The following SYNGR1 variants were observed in gnomAD, a reference collection of about 807,000 sequenced individuals.
SYNGR1 encodes the protein synaptogyrin-1.
Under a neutral mutation model 26.1 loss-of-function variants are expected in SYNGR1, and 14 were observed. That is an observed-to-expected ratio of 0.54 (90% confidence interval 0.35 to 0.84). The LOEUF (loss-of-function observed/expected upper bound fraction) is 0.84, where lower values mean the gene tolerates loss of function less well. SYNGR1 is among the 40% of genes least tolerant of loss of function. SYNGR1 has a pLI of 0.01. For synonymous variants in SYNGR1, 141 were observed against 150.1 expected (o/e 0.94, Z 0.44); for missense variants, 319 against 332.9 (o/e 0.96, Z 0.33).
rs905145525 is a variant in SYNGR1, at chr22:39,374,336, C to G, written c.120C>G (p.Phe40Leu). Residue 40 changes from phenylalanine (F) to leucine (L), a missense_variant, in exon 2 of 4, where the codon TTC becomes TTG. By Grantham distance (22) the Phe-to-Leu change is conservative. Transcript: ENST00000328933. The stretch of plus-strand genomic sequence containing the variant: ...GACAGCTGTTCTCCATAGTGGTGTT[C>G]GGCTCCATCGTGAACGAGGGCTACC... ...VVSWLFSIVV[F>L]GSIVNEGYLN... 1.2e-6 allele frequency: 2 copies of G among 1,613,946 alleles called. No individual in the cohort carries two copies. Among genetic ancestry groups the G allele is most frequent in the South Asian group, 1.1e-5 (1 of 91,074 alleles).
At chr22:39,369,702 C>G (rs116539892) in intron 1 of SYNGR1, among the ~76,000 whole-genome samples, 4,093 of 152,314 alleles carry the variant, frequency 0.027, 135 homozygotes, top group African/African-American at 0.073. Flanking sequence ...ATTGGGAACA[C>G]TACAAATAGC....
chr22:39,376,263 G>A, intron 3 of SYNGR1, 66 bp downstream of exon 3: 1 of 1,611,820 alleles, frequency 6.2e-7, no homozygotes, highest in Non-Finnish European at 8.5e-7. Flanking sequence ...CTGGATGGGT[G>A]GCCTTTCGCT....
Position 39,350,230 on chromosome 22 carries a change from G to C in SYNGR1, c.99+121G>C. 1 of 597,654 alleles carries C rather than the reference G, an allele frequency of 1.7e-6. No individual in the cohort carries two copies. Among genetic ancestry groups the C allele is most frequent in the Non-Finnish European group, 2.3e-6 (1 of 443,922 alleles). The allele number at this position is 597,654 out of a possible 1,614,324, so 37.0% of individuals were successfully genotyped here. ...GGGCCCCCGGCGGCGGCGCGGCGGC[G>C]GGCGAGGAGCTGTCCTGCCTGCGGG... is the stretch of plus-strand genomic sequence containing the variant. On this transcript the variant is annotated intron_variant, in intron 1 of 3. Coordinates refer to ENST00000328933, the MANE Select transcript of SYNGR1 (RefSeq NM_004711.5). The surrounding 1 kb of genome is among the most constrained non-coding windows in gnomAD (Gnocchi z 4.3).
chr22:39,366,163 C>T (rs1019490674), intron 1 of SYNGR1, among the ~76,000 whole-genome samples: 8 of 148,852 alleles, frequency 5.4e-5, no homozygotes, highest in African/African-American at 2.0e-4. Flanking sequence ...TGGGGTTTCA[C>T]CATGTTGCCT....
chr22:39,381,174 T>C (rs11089952), intron 3 of SYNGR1, among the ~76,000 whole-genome samples: 15,287 of 152,096 alleles, frequency 0.1, 2,638 homozygotes, highest in African/African-American at 0.35. Context: ...CTTTTGGCAA[T>C]TAGAGCTCCA....
intron 3 of SYNGR1, among the ~76,000 whole-genome samples, chr22:39,380,204 G>T (rs570919730): frequency 6.6e-6 from 1 of 151,268 alleles, no homozygotes; most frequent in Non-Finnish European, 1.5e-5. Context: ...GCTAGGCGCG[G>T]TCACATTGAA....
chr22:39,356,712 G>A (rs1924160620), intron 1 of SYNGR1, among the ~76,000 whole-genome samples: 1 of 152,200 alleles, frequency 6.6e-6, no homozygotes, highest in Non-Finnish European at 1.5e-5. Context: ...TGGGAGGGGA[G>A]GCAGGGTAGG....
In SYNGR1 at chr22:39,381,851, C is replaced by T; in HGVS notation, c.639C>T (p.Thr213=). The T allele has an allele frequency of 6.2e-7, 1 of 1,612,972 alleles. No individual in the cohort carries two copies. Among genetic ancestry groups the T allele is most frequent in the South Asian group, 1.1e-5 (1 of 91,068 alleles). ...CGGATCCCGCCGGTATGGGCGGCAC[C>T]TACCAGCAGCCGGCCAACACCTTCG... ...TGPDPAGMGG[T]YQQPANTFDT... Residue 213 remains threonine, a synonymous_variant, in exon 4 of 4, where the codon ACC becomes ACT. Transcript: ENST00000328933.
rs2145637396 is a variant in SYNGR1 at position 39,383,516 on chromosome 22, G to C, written c.*1602G>C. The C allele has an allele frequency of 6.6e-6, 1 of 152,526 alleles. No individual in the cohort carries two copies. The allele number at this position is 152,526 out of a possible 1,614,324, so 9.4% of individuals were successfully genotyped here. On this transcript the variant is annotated 3_prime_UTR_variant, in exon 4 of 4. Coordinates refer to ENST00000328933, the MANE Select transcript of SYNGR1 (RefSeq NM_004711.5). ...GGACAGGGAGGTATGGGAGAGCGCT[G>C]GGGGCCCATCCCCCTGTCCACCCAG...
intron 1 of SYNGR1, among the ~76,000 whole-genome samples, chr22:39,356,821 T>C (rs1356223975): frequency 6.6e-6 from 1 of 152,202 alleles, no homozygotes; most frequent in South Asian, 2.1e-4. Context: ...CATGCTCTCC[T>C]GGCCTTGGTT....
chr22:39,382,596 C>G lies in SYNGR1; in HGVS notation c.*682C>G, dbSNP rs1925533928. The G allele has an allele frequency of 6.4e-6, 1 of 155,510 alleles. No individual in the cohort carries two copies. Among genetic ancestry groups the G allele is most frequent in the Admixed American group, 6.2e-5 (1 of 16,150 alleles). 9.6% of individuals were successfully genotyped at this position (155,510 alleles called of 1,614,324 possible). On this transcript the variant is annotated 3_prime_UTR_variant, in exon 4 of 4. Transcript: ENST00000328933. The stretch of plus-strand genomic sequence containing the variant: ...CCTGGCCACCCACCTCCTACCATCC[C>G]CACGCTTGGGGCTTCCCTGCTCAGT...
chr22:39,367,365 T>C (rs1471246492), intron 1 of SYNGR1, among the ~76,000 whole-genome samples: 20 of 152,120 alleles, frequency 1.3e-4, no homozygotes, highest in Non-Finnish European at 7.4e-5. Flanking sequence ...GCTCAGCCTG[T>C]AGCAGGCGGT....
At chr22:39,367,178 C>T (rs77823373) in intron 1 of SYNGR1, among the ~76,000 whole-genome samples, 5,517 of 152,298 alleles carry the variant, frequency 0.036, 325 homozygotes, top group African/African-American at 0.13. Flanking sequence ...CCTCATACAT[C>T]CTGTTCCCAA....
rs201697745 is a variant in SYNGR1 at position 39,374,466 on chromosome 22, C to G, written c.250C>G (p.Leu84Val). The G allele has an allele frequency of 5.0e-6, 8 of 1,613,856 alleles. No homozygotes were observed. The highest frequency in any genetic ancestry group is 1.3e-5 in the African/African-American group (1 of 74,944). ...VGVLAFLTCLLYLALDVYFPQ... is the reference protein window; with the variant it reads ...VGVLAFLTCLVYLALDVYFPQ... ...CGTGCTCGCCTTCCTCACCTGCCTG[C>G]TGTACCTGGCCCTGGACGTGTACTT... Residue 84 changes from leucine (L) to valine (V), a missense_variant, in exon 2 of 4, where the codon CTG becomes GTG. Transcript: ENST00000328933.
At chr22:39,364,100 A>AG in intron 1 of SYNGR1, 1 of 1,601,400 alleles carries the variant, frequency 6.2e-7, no homozygotes, top group African/African-American at 1.3e-5. Context: ...CTGTCTGCAG[A>AG]GGGGAGATAC....
chr22:39,378,289 C>A (rs1925381810), intron 3 of SYNGR1: 15 of 965,150 alleles, frequency 1.6e-5, no homozygotes, highest in Non-Finnish European at 1.6e-5. Flanking sequence ...GATAATGGAC[C>A]AACCTCTCAA....
At position 39,375,837 on chromosome 22, in the gene SYNGR1, C is replaced by T. The variant is rs2281112; in HGVS notation, c.338-215C>T. 245 of 673,408 alleles carry T rather than the reference C, an allele frequency of 3.6e-4. 2 individuals are homozygous for T. The East Asian group carries it at 6.5e-3, about 18-fold the overall frequency. 41.7% of individuals were successfully genotyped at this position (673,408 alleles called of 1,614,324 possible). On this transcript the variant is annotated intron_variant, in intron 2 of 3. Transcript: ENST00000328933. ...CTGCCCTGTCTGTGGCCTCCTCCCCCCTGCATCTGGCTGGCTTCCCTCTTC... is the reference window on the plus strand; with the variant it reads ...CTGCCCTGTCTGTGGCCTCCTCCCCTCTGCATCTGGCTGGCTTCCCTCTTC...
At chr22:39,363,691 G>T (rs1007598122) in intron 1 of SYNGR1, among the ~76,000 whole-genome samples, 1 of 152,056 alleles carries the variant, frequency 6.6e-6, no homozygotes, top group Non-Finnish European at 1.5e-5. Context: ...TATCCCCCTG[G>T]CTGCTGCCTG....
At chr22:39,380,616 C>CTTTTTTTTTTT (rs58877789) in intron 3 of SYNGR1, among the ~76,000 whole-genome samples, 3 of 69,976 alleles carry the variant, frequency 4.3e-5, no homozygotes, top group African/African-American at 2.2e-4. Context: ...CCAAGCTGGC[C>CTTTTTTTTTTT]TTTTTTTTTT....
Sources: allele counts gnomAD v4.1 joint callset (sites outside exome capture counted in the v4.1 genomes callset), GRCh38; gene constraint gnomAD v4.1.1; non-coding constraint Gnocchi (gnomAD v3.1); transcripts MANE v1.5; gene names NCBI Gene and HGNC (gene_info 2026-07-23, HGNC 2026-07-21).